The following SPOP variants were observed in gnomAD, a reference collection of about 807,000 sequenced individuals.
SPOP encodes the protein speckle-type POZ protein.
In SPOP, 11 loss-of-function variants were observed where a neutral mutation model predicts 45.6. That is an observed-to-expected ratio of 0.24 (90% CI 0.15 to 0.40). The LOEUF (loss-of-function observed/expected upper bound fraction) is 0.40. Among genes scored for constraint, SPOP ranks in the 10% least tolerant of loss-of-function variants. The probability of loss-of-function intolerance (pLI) is 1.00; values close to 1 mark genes in which losing one functional copy is unlikely to be tolerated. For missense variants in SPOP, 152 were observed against 465.6 expected (o/e 0.33, Z 6.20); for synonymous variants, 166 against 166.3 (o/e 1.00, Z 0.01).
At chr17:49,637,992 C>T (rs759154408) in intron 1 of SPOP, among the ~76,000 whole-genome samples, 10 of 152,192 alleles carry the variant, frequency 6.6e-5, no homozygotes, top group Admixed American at 1.3e-4. Context: ...TATGCAGGCA[C>T]ACGCCACCAT....
chr17:49,650,437 G>A (rs569147890), intron 1 of SPOP, among the ~76,000 whole-genome samples: 5 of 151,998 alleles, frequency 3.3e-5, no homozygotes, highest in East Asian at 2.0e-4. Flanking sequence ...AAAATTAGCC[G>A]GGCATGATGG....
intron 1 of SPOP, among the ~76,000 whole-genome samples, chr17:49,632,240 T>G (rs2143378053): frequency 6.6e-6 from 1 of 152,318 alleles, no homozygotes; most frequent in Middle Eastern, 3.4e-3. Context: ...AACTATCAAG[T>G]CACTCCAACT....
At chr17:49,641,916 G>A (rs1337487300) in intron 1 of SPOP, among the ~76,000 whole-genome samples, 1 of 151,918 alleles carries the variant, frequency 6.6e-6, no homozygotes, top group African/African-American at 2.4e-5. Flanking sequence ...CCAGCTACTA[G>A]TCAAGAAGCT....
At chr17:49,658,538 C>T (rs535176733) in intron 1 of SPOP, among the ~76,000 whole-genome samples, 24 of 152,284 alleles carry the variant, frequency 1.6e-4, no homozygotes, top group African/African-American at 5.8e-4. Context: ...AAGGAACTTC[C>T]CTGCTGTTTT....
At chr17:49,640,417 C>T (rs1313752573) in intron 1 of SPOP, among the ~76,000 whole-genome samples, 1 of 151,816 alleles carries the variant, frequency 6.6e-6, no homozygotes, top group East Asian at 1.9e-4. Context: ...AGCAGGGCCA[C>T]CCAGGAATAA....
chr17:49,649,417 A>G (rs2072809595), intron 1 of SPOP, among the ~76,000 whole-genome samples: 1 of 152,052 alleles, frequency 6.6e-6, no homozygotes. Flanking sequence ...CATGCCTGTA[A>G]TCCCAGCTAC....
intron 1 of SPOP, among the ~76,000 whole-genome samples, chr17:49,632,587 G>A (rs1355902505): frequency 6.6e-6 from 1 of 152,022 alleles, no homozygotes; most frequent in East Asian, 1.9e-4. Context: ...CCACCTCCCG[G>A]GTTCAAGCAA....
At chr17:49,612,049 ATTTT>A (rs2071986579) in intron 5 of SPOP, among the ~76,000 whole-genome samples, 1 of 151,972 alleles carries the variant, frequency 6.6e-6, no homozygotes, top group Non-Finnish European at 1.5e-5. Context: ...CATCTGACTA[ATTTT>A]TTATTTGTTT....
chr17:49,616,850 C>T (rs1241866603), intron 5 of SPOP, among the ~76,000 whole-genome samples: 1 of 152,222 alleles, frequency 6.6e-6, no homozygotes, highest in Non-Finnish European at 1.5e-5. Context: ...TTACCCTGTT[C>T]AACATCTCCT....
intron 1 of SPOP, among the ~76,000 whole-genome samples, chr17:49,657,696 CT>C (rs34194099): frequency 0.096 from 9,687 of 100,916 alleles, 267 homozygotes; most frequent in Non-Finnish European, 0.15. Flanking sequence ...CGCACCCGGC[CT>C]TTTTTTTTTT....
chr17:49,608,035 A>C (rs894866986), intron 6 of SPOP, 106 bp from the exon 7 acceptor site: 3 of 915,068 alleles, frequency 3.3e-6, no homozygotes, highest in Non-Finnish European at 5.0e-6. Context: ...CTACTGCTAT[A>C]GGAAAGGTCT....
At chr17:49,651,836 T>C (rs988407137) in intron 1 of SPOP, among the ~76,000 whole-genome samples, 2 of 152,198 alleles carry the variant, frequency 1.3e-5, no homozygotes, top group Admixed American at 1.3e-4. Flanking sequence ...CTGGCCAACA[T>C]GGTGAAACCC....
At chr17:49,612,266 G>GTAAA (rs771164511) in intron 5 of SPOP, among the ~76,000 whole-genome samples, 1 of 152,182 alleles carries the variant, frequency 6.6e-6, no homozygotes, top group Non-Finnish European at 1.5e-5. Flanking sequence ...ACAGAGCCTG[G>GTAAA]TAAATAACTG....
At chr17:49,643,932 GAAAA>G (rs202083202) in intron 1 of SPOP, among the ~76,000 whole-genome samples, 1 of 98,412 alleles carries the variant, frequency 1.0e-5, no homozygotes. Context: ...CCGTCTCAAG[GAAAA>G]AAAAAAAAAA....
At chr17:49,601,332 A>G (rs898841868) in intron 9 of SPOP, 1 of 152,298 alleles carries the variant, frequency 6.6e-6, no homozygotes, top group African/African-American at 2.4e-5. Context: ...TATTATTCTT[A>G]TTATTTCATA....
intron 2 of SPOP, 37 bp from the exon 3 acceptor site, chr17:49,622,104 G>A: frequency 1.2e-6 from 2 of 1,606,510 alleles, no homozygotes; most frequent in Non-Finnish European, 8.5e-7. Flanking sequence ...TAAATAGGAA[G>A]TGGACAACCT....
intron 1 of SPOP, among the ~76,000 whole-genome samples, chr17:49,644,066 A>G (rs2072709412): frequency 6.6e-6 from 1 of 151,546 alleles, no homozygotes; most frequent in Non-Finnish European, 1.5e-5. Flanking sequence ...GAAATGCAAA[A>G]TATTAAAATA....
intron 1 of SPOP, among the ~76,000 whole-genome samples, chr17:49,632,121 T>C (rs1171831583): frequency 6.6e-6 from 1 of 152,180 alleles, no homozygotes; most frequent in Non-Finnish European, 1.5e-5. Flanking sequence ...TTGGGATCAT[T>C]TTTCCCTAAT....
Position 49,619,881 on chromosome 17 carries a change from G to A in SPOP, c.201-496C>T, listed in dbSNP as rs1030415069. On this transcript the variant is annotated intron_variant, in intron 3 of 9. Transcript: ENST00000504102. The surrounding 1 kb of genome is among the most constrained non-coding windows in gnomAD (Gnocchi z 4.9). ...CCTTTTAAAAAGTAAACAACAGGCTGGGTGCGGTGGCTCACCCCTGTAATC... is the reference window on the plus strand; with the variant it reads ...CCTTTTAAAAAGTAAACAACAGGCTAGGTGCGGTGGCTCACCCCTGTAATC... Among the ~76,000 whole-genome samples, 2 of 152,170 alleles carry A rather than the reference G, an allele frequency of 1.3e-5. No individual in the cohort carries two copies. Among genetic ancestry groups the A allele is most frequent in the African/African-American group, 2.4e-5 (1 of 41,450 alleles).
Sources: allele counts gnomAD v4.1 joint callset (sites outside exome capture counted in the v4.1 genomes callset), GRCh38; gene constraint gnomAD v4.1.1; non-coding constraint Gnocchi (gnomAD v3.1); transcripts MANE v1.5; gene names NCBI Gene and HGNC (gene_info 2026-07-23, HGNC 2026-07-21).